The following ZFHX4 variants were observed in gnomAD, a reference collection of about 807,000 sequenced individuals.
ZFHX4 encodes zinc finger homeobox protein 4.
A neutral mutation model predicts 267.6 loss-of-function variants in ZFHX4; 56 were observed. The observed-to-expected ratio is 0.21, with a 90% CI of 0.17 to 0.26. The LOEUF (loss-of-function observed/expected upper bound fraction) is 0.26, where lower values mean the gene tolerates loss of function less well. ZFHX4 is among the 10% of genes least tolerant of loss of function. The pLI is 1.00. For missense variants in ZFHX4, 4,332 were observed against 4,420.0 expected (o/e 0.98, Z 0.56); for synonymous variants, 1,778 against 1,665.6 (o/e 1.07, Z -1.64).
At chr8:76,776,044 G>A (rs1461770346) in intron 3 of ZFHX4, among the ~76,000 whole-genome samples, 2 of 151,924 alleles carry the variant, frequency 1.3e-5, no homozygotes, top group Non-Finnish European at 2.9e-5. Context: ...TGAGACAGAA[G>A]GAAATGTGTT....
At chr8:76,689,741 C>T (rs1807778568) in intron 1 of ZFHX4, among the ~76,000 whole-genome samples, 1 of 152,060 alleles carries the variant, frequency 6.6e-6, no homozygotes, top group Admixed American at 6.6e-5. Context: ...AATGGCTGCT[C>T]TCTAGTCTCC....
chr8:76,690,495 T>A lies in ZFHX4; in HGVS notation c.-47+8875T>A, dbSNP rs555600756. On this transcript the variant is annotated intron_variant, in intron 1 of 10. Transcript: ENST00000651372. ...AGACCAATCATTTTTACATTTCCCA[T>A]GGTATTTTCATTAAACCTGAAATAC... Among the ~76,000 whole-genome samples, 14 of 152,204 alleles carry A rather than the reference T, an allele frequency of 9.2e-5. No homozygotes were observed. In the East Asian group the frequency reaches 2.5e-3, roughly 27 times the overall value.
intron 3 of ZFHX4, among the ~76,000 whole-genome samples, chr8:76,749,794 G>A (rs540819218): frequency 2.3e-4 from 35 of 152,196 alleles, no homozygotes; most frequent in African/African-American, 7.0e-4. Flanking sequence ...TTTATTGAGC[G>A]GAGCTAATTG....
Position 76,830,338 on chromosome 8 carries a change from T to A in ZFHX4, c.3326-3000T>A, listed in dbSNP as rs575598733. 5.9e-5 allele frequency among the ~76,000 whole-genome samples: 9 copies of A among 152,292 alleles called. No individual in the cohort carries two copies. The South Asian group carries it at 1.0e-3, about 18-fold the overall frequency. On this transcript the variant is annotated intron_variant, in intron 4 of 10. Transcript: ENST00000651372. Reference sequence around the variant, plus strand: ...GATAAACTAAGTCAATGGCATTTTTTAAAAATACTATTAAAACAACGAAGG... The same window carrying A: ...GATAAACTAAGTCAATGGCATTTTTAAAAAATACTATTAAAACAACGAAGG...
chr8:76,833,776 G>T, intron 5 of ZFHX4: 1 of 245,386 alleles, frequency 4.1e-6, no homozygotes, highest in Non-Finnish European at 8.1e-6. Flanking sequence ...GATTACTCTT[G>T]GTGTTGTACA....
At chr8:76,734,487 A>C (rs1809106469) in intron 3 of ZFHX4, among the ~76,000 whole-genome samples, 1 of 152,162 alleles carries the variant, frequency 6.6e-6, no homozygotes, top group Non-Finnish European at 1.5e-5. Context: ...CTGACATTTG[A>C]TAGGCAGTTG....
chr8:76,721,388 G>A (rs1008088585), intron 3 of ZFHX4, among the ~76,000 whole-genome samples: 2 of 152,126 alleles, frequency 1.3e-5, no homozygotes, highest in Non-Finnish European at 2.9e-5. Flanking sequence ...AATACAGAGA[G>A]GCTTATTTAT....
intron 6 of ZFHX4, 72 bp from the exon 7 acceptor site, chr8:76,848,923 T>A: frequency 1.4e-6 from 2 of 1,397,600 alleles, no homozygotes. Context: ...CGCAAATGTT[T>A]GAAAAACATA....
chr8:76,798,691 A>C (rs1811044787), intron 4 of ZFHX4, among the ~76,000 whole-genome samples: 1 of 152,238 alleles, frequency 6.6e-6, no homozygotes, highest in Non-Finnish European at 1.5e-5. Flanking sequence ...TCTAGGTATA[A>C]ACCTTAGTGG....
intron 4 of ZFHX4, among the ~76,000 whole-genome samples, chr8:76,809,677 C>A (rs1811326933): frequency 6.6e-6 from 1 of 151,978 alleles, no homozygotes; most frequent in Non-Finnish European, 1.5e-5. Context: ...TTTATGAGGC[C>A]ACTAATTGAA....
intron 3 of ZFHX4, among the ~76,000 whole-genome samples, chr8:76,713,268 G>GAT (rs1273945718): frequency 4.1e-5 from 6 of 146,552 alleles, no homozygotes; most frequent in African/African-American, 1.6e-4. Flanking sequence ...TCAAAGGATA[G>GAT]AGAGATAGAT....
chr8:76,833,858 C>G (rs887471498), intron 5 of ZFHX4, among the ~76,000 whole-genome samples: 1 of 152,154 alleles, frequency 6.6e-6, no homozygotes, highest in African/African-American at 2.4e-5. Context: ...AGTTTCACTT[C>G]TCTATAAATC....
At chr8:76,814,770 C>T (rs1312632224) in intron 4 of ZFHX4, among the ~76,000 whole-genome samples, 2 of 152,090 alleles carry the variant, frequency 1.3e-5, no homozygotes, top group Non-Finnish European at 2.9e-5. Flanking sequence ...CCTTTCCCCT[C>T]GTTCAAGCTC....
chr8:76,737,648 T>C (rs1002033618), intron 3 of ZFHX4, among the ~76,000 whole-genome samples: 2 of 152,144 alleles, frequency 1.3e-5, no homozygotes, highest in African/African-American at 4.8e-5. Context: ...TATAATAAGG[T>C]TTTGTGAGGA....
intron 3 of ZFHX4, among the ~76,000 whole-genome samples, chr8:76,752,065 A>T (rs1809627843): frequency 6.6e-6 from 1 of 152,178 alleles, no homozygotes; most frequent in Admixed American, 6.5e-5. Flanking sequence ...GATGAACCTA[A>T]CAGTGAATGA....
chr8:76,733,786 C>G (rs996319190), intron 3 of ZFHX4, among the ~76,000 whole-genome samples: 1 of 152,092 alleles, frequency 6.6e-6, no homozygotes, highest in Admixed American at 6.6e-5. Context: ...GCAGGGAAAG[C>G]CCAGCTAATA....
rs1049555168 is a variant in ZFHX4, at chr8:76,866,858, A to G, written c.*2293A>G. ...CGTTGTTAGGGTGAGAAATAAAAGGACAGCCTCCAAAGGTTGAGAATGAGA... is the reference window on the plus strand; with the variant it reads ...CGTTGTTAGGGTGAGAAATAAAAGGGCAGCCTCCAAAGGTTGAGAATGAGA... On this transcript the variant is annotated 3_prime_UTR_variant, in exon 11 of 11. Coordinates refer to ENST00000651372, the MANE Select transcript of ZFHX4 (RefSeq NM_024721.5). 6.6e-6 allele frequency: 1 copy of G among 152,604 alleles called. No individual in the cohort carries two copies. Among genetic ancestry groups the G allele is most frequent in the Non-Finnish European group, 1.5e-5 (1 of 68,034 alleles). The allele number at this position is 152,604 out of a possible 1,614,324, so 9.5% of individuals were successfully genotyped here.
intron 5 of ZFHX4, among the ~76,000 whole-genome samples, chr8:76,836,914 C>G (rs907450815): frequency 6.6e-6 from 1 of 151,898 alleles, no homozygotes; most frequent in African/African-American, 2.4e-5. Flanking sequence ...GTATGATTTA[C>G]TGATGGATAG....
intron 4 of ZFHX4, among the ~76,000 whole-genome samples, chr8:76,781,385 G>A (rs543687996): frequency 6.6e-6 from 1 of 152,088 alleles, no homozygotes; most frequent in Non-Finnish European, 1.5e-5. Flanking sequence ...TCCAATACAT[G>A]AGTAATTAAG....
Sources: gnomAD v4.1 joint callset for allele counts (sites outside exome capture counted in the v4.1 genomes callset) on GRCh38, gnomAD v4.1.1 for gene constraint, MANE v1.5 for transcripts, NCBI Gene and HGNC (gene_info 2026-07-23, HGNC 2026-07-21) for gene names.